FAM227A: variants seen among roughly 807,000 people sequenced by gnomAD.
The protein encoded by FAM227A is protein FAM227A.
In FAM227A, 80 loss-of-function variants were observed where a neutral mutation model predicts 74.7. The ratio of observed to expected loss-of-function variants is 1.07; its 90% CI spans 0.89 to 1.29. The LOEUF is 1.29. Among genes scored for constraint, FAM227A ranks in the 50% most tolerant of loss-of-function variants. The pLI is 0.00. For missense variants in FAM227A, 654 were observed against 683.4 expected, an observed-to-expected ratio of 0.96 and a Z score of 0.48; for synonymous variants, 237 against 241.8, an observed-to-expected ratio of 0.98 and a Z score of 0.19.
At chr22:38,627,511 T>C (rs2091833664) in intron 8 of FAM227A, among the ~76,000 whole-genome samples, 1 of 151,706 alleles carries the variant, frequency 6.6e-6, no homozygotes, top group Non-Finnish European at 1.5e-5. Context: ...GAAGTTGCAG[T>C]GAGTCGAGAT....
In FAM227A at chr22:38,610,451, G is replaced by A. The variant is rs2091388418; in HGVS notation, c.1039-2975C>T. Among the ~76,000 whole-genome samples the A allele has an allele frequency of 2.0e-5, 3 of 152,226 alleles. No homozygotes were observed. In the South Asian group the frequency reaches 6.2e-4, roughly 31 times the overall value. On this transcript the variant is annotated intron_variant, in intron 11 of 16. Transcript: ENST00000535113. ...CTTGCTGGAGAGGCAGCTTGCTGAT[G>A]CAGAGAGAGCTCAGACTGACAGTGT...
chr22:38,583,595 C>T lies in FAM227A; in HGVS notation c.*2530G>A, dbSNP rs1485669808. On this transcript the variant is annotated 3_prime_UTR_variant, in exon 17 of 17. Coordinates refer to ENST00000535113, the MANE Select transcript of FAM227A (RefSeq NM_001013647.2). The stretch of plus-strand genomic sequence containing the variant: ...CTCATCTAATCCTCACAACAACCCT[C>T]CTAGGCAGGCATTCCCTTTCTGCAG... 1 of 152,330 alleles carries T rather than the reference C, an allele frequency of 6.6e-6. No individual in the cohort carries two copies. The highest frequency in any genetic ancestry group is 1.5e-5 in the Non-Finnish European group (1 of 68,138). 9.4% of individuals were successfully genotyped at this position (152,330 alleles called of 1,614,324 possible).
At position 38,634,380 on chromosome 22, in the gene FAM227A, T is replaced by G. The variant is rs950867460; in HGVS notation, c.519+2071A>C. On this transcript the variant is annotated intron_variant, in intron 6 of 16. Transcript: ENST00000535113. ...GGCTACACAGTCCATGATATAGATG[T>G]CAAAAATGACCATGCTGTTCCTCTA... Among the ~76,000 whole-genome samples, 6 of 152,314 alleles carry G rather than the reference T, an allele frequency of 3.9e-5. No homozygotes were observed. In the East Asian group the frequency reaches 1.2e-3, roughly 29 times the overall value.
At chr22:38,636,380 G>T (rs2092007080) in intron 6 of FAM227A, 71 bp downstream of exon 6, 2 of 1,483,882 alleles carry the variant, frequency 1.3e-6, no homozygotes, top group Admixed American at 2.1e-5. Flanking sequence ...TTCTCCTGGG[G>T]TGTGAAAGGG....
intron 9 of FAM227A, among the ~76,000 whole-genome samples, chr22:38,623,618 C>T (rs1462539866): frequency 6.6e-6 from 1 of 152,118 alleles, no homozygotes; most frequent in Non-Finnish European, 1.5e-5. Flanking sequence ...CCCTGCCCTA[C>T]GTGTCAGCTG....
intron 4 of FAM227A, 70 bp from the exon 5 acceptor site, chr22:38,638,892 A>G (rs2092056397): frequency 7.8e-6 from 8 of 1,019,196 alleles, no homozygotes; most frequent in African/African-American, 1.7e-5. Context: ...GGTGCTTACA[A>G]CTGTGCTTTT....
chr22:38,646,878 C>T (rs569569451), intron 2 of FAM227A, among the ~76,000 whole-genome samples: 88 of 152,058 alleles, frequency 5.8e-4, no homozygotes, highest in Middle Eastern at 3.4e-3. Flanking sequence ...TGGCTGGGCA[C>T]GGTGGCTCAC....
At chr22:38,621,149 C>A (rs1450504261) in intron 10 of FAM227A, among the ~76,000 whole-genome samples, 2 of 151,866 alleles carry the variant, frequency 1.3e-5, no homozygotes, top group African/African-American at 4.8e-5. Flanking sequence ...CCAGCCTGGG[C>A]AACATGGTGA....
At chr22:38,631,554 AAAT>A (rs1439547779) in intron 6 of FAM227A, among the ~76,000 whole-genome samples, 1 of 152,144 alleles carries the variant, frequency 6.6e-6, no homozygotes. Flanking sequence ...TGATGTAAGA[AAAT>A]AACTGCATGA....
At chr22:38,627,847 G>A (rs1278069942) in intron 8 of FAM227A, among the ~76,000 whole-genome samples, 3 of 151,914 alleles carry the variant, frequency 2.0e-5, no homozygotes, top group Admixed American at 2.0e-4. Flanking sequence ...CAGGTGATCC[G>A]CCCGCCTTGG....
Position 38,583,497 on chromosome 22 carries a change from G to A in FAM227A, c.*2628C>T. ...GCCAAGAAGAGTACACTTTATAACA[G>A]CAATAACAACAATAACAGCTTGTGG... On this transcript the variant is annotated 3_prime_UTR_variant, in exon 17 of 17. Coordinates refer to ENST00000535113, the MANE Select transcript of FAM227A (RefSeq NM_001013647.2). The A allele has an allele frequency of 6.5e-6, 1 of 154,104 alleles. No individual in the cohort carries two copies. Among genetic ancestry groups the A allele is most frequent in the Non-Finnish European group, 1.4e-5 (1 of 69,278 alleles). 9.5% of individuals were successfully genotyped at this position (154,104 alleles called of 1,614,324 possible).
intron 5 of FAM227A, 68 bp downstream of exon 5, chr22:38,638,678 G>C (rs1296992623): frequency 1.2e-5 from 14 of 1,168,566 alleles, no homozygotes; most frequent in Non-Finnish European, 1.6e-5. Flanking sequence ...CTCCTCCCCA[G>C]GAATAAAATC....
rs2091727169 is a variant in FAM227A, at chr22:38,623,173, CTT to C, written c.955_956del (p.Lys319GlyfsTer10). ...ELMLYRRRLT[K>X]GREFSLFAGK... ...GGGAGGCTGTACCTGCTATCTTACC[CTT>C]TGTCAGTCTTCTTCTGTACAACATT... On this transcript the variant is annotated frameshift_variant and splice_region_variant, in exon 10 of 17. Transcript: ENST00000535113. LOFTEE classifies it high-confidence loss of function. The C allele has an allele frequency of 2.6e-6, 4 of 1,549,004 alleles. No homozygotes were observed. Among genetic ancestry groups the C allele is most frequent in the Admixed American group, 2.0e-5 (1 of 50,962 alleles).
At chr22:38,636,313 G>T in intron 6 of FAM227A, 138 bp downstream of exon 6, 1 of 889,694 alleles carries the variant, frequency 1.1e-6, no homozygotes, top group Non-Finnish European at 1.6e-6. Flanking sequence ...GTTGGGCTAG[G>T]GTTCCTAGCT....
At chr22:38,607,553 T>A in intron 11 of FAM227A, 77 bp from the exon 12 acceptor site, 1 of 962,608 alleles carries the variant, frequency 1.0e-6, no homozygotes, top group African/African-American at 1.6e-5. Flanking sequence ...GTGAGAGAAA[T>A]ACAAAAAAGT....
rs1003173330 is a variant in FAM227A at position 38,582,281 on chromosome 22, C to T, written c.*3844G>A. On this transcript the variant is annotated 3_prime_UTR_variant, in exon 17 of 17. Coordinates refer to ENST00000535113, the MANE Select transcript of FAM227A (RefSeq NM_001013647.2). The stretch of plus-strand genomic sequence containing the variant: ...AGGAAACTGTATGTTCTAAAACATA[C>T]ATTTCATCATCAATTCATAAGCAAT... 2.7e-6 allele frequency: 4 copies of T among 1,463,144 alleles called. No individual in the cohort carries two copies. Among genetic ancestry groups the T allele is most frequent in the Admixed American group, 2.0e-5 (1 of 50,276 alleles). 90.6% of individuals were successfully genotyped at this position (1,463,144 alleles called of 1,614,324 possible).
rs186726668 is a variant in FAM227A at position 38,638,745 on chromosome 22, C to G, written c.372+1G>C. On this transcript the variant is annotated splice_donor_variant, in intron 5 of 16. Transcript: ENST00000535113. LOFTEE classifies it high-confidence loss of function. ...AACAGACACAGCAGTAGATCCCTTACCCTTTTTATAACAGAAGATCTGGCA... is the reference window on the plus strand; with the variant it reads ...AACAGACACAGCAGTAGATCCCTTAGCCTTTTTATAACAGAAGATCTGGCA... 4.3e-5 allele frequency: 67 copies of G among 1,546,676 alleles called. 1 individual carries two copies. The Admixed American group carries it at 1.3e-3, about 30-fold the overall frequency.
chr22:38,618,931 T>A (rs557162388), intron 11 of FAM227A, among the ~76,000 whole-genome samples: 80 of 151,246 alleles, frequency 5.3e-4, no homozygotes, highest in African/African-American at 1.9e-3. Flanking sequence ...ATTCATAGTT[T>A]GCTAAACCCT....
intron 16 of FAM227A, among the ~76,000 whole-genome samples, chr22:38,588,615 TAAAAAAAAAAA>T (rs757871619): frequency 1.7e-3 from 80 of 47,878 alleles, no homozygotes; most frequent in Non-Finnish European, 2.8e-3. Flanking sequence ...TGACTCTGTC[TAAAAAAAAAAA>T]AAAAAAAAAA....
Sources: gnomAD v4.1 joint callset for allele counts (sites outside exome capture counted in the v4.1 genomes callset) on GRCh38, gnomAD v4.1.1 for gene constraint, MANE v1.5 for transcripts, NCBI Gene and HGNC (gene_info 2026-07-23, HGNC 2026-07-21) for gene names.